The following PCDH15 variants were observed in gnomAD, a reference collection of about 807,000 sequenced individuals.
PCDH15 encodes protocadherin related 15, also known as protocadherin-15.
A neutral mutation model predicts 178.5 loss-of-function variants in PCDH15; 129 were observed. That is an observed-to-expected ratio of 0.72 (90% CI 0.63 to 0.84). The LOEUF (loss-of-function observed/expected upper bound fraction) is 0.84. Ranked by LOEUF, PCDH15 falls within the 40% of genes least tolerant of loss-of-function variation. The probability of loss-of-function intolerance (pLI) is 0.00; values close to 1 mark genes in which losing one functional copy is unlikely to be tolerated. For synonymous variants in PCDH15, 800 were observed against 732.0 expected, an observed-to-expected ratio of 1.09 and a Z score of -1.50; for missense variants, 2,230 against 2,099.9, an observed-to-expected ratio of 1.06 and a Z score of -1.21.
intron 2 of PCDH15, among the ~76,000 whole-genome samples, chr10:55,102,414 T>C (rs1456275430): frequency 6.6e-6 from 1 of 152,146 alleles, no homozygotes; most frequent in Non-Finnish European, 1.5e-5. Context: ...TACTGAGCCC[T>C]ATATATACTC....
chr10:54,525,827 T>C (rs1269598575), intron 3 of PCDH15, among the ~76,000 whole-genome samples: 1 of 152,218 alleles, frequency 6.6e-6, no homozygotes, highest in Non-Finnish European at 1.5e-5. Context: ...GCATGGATTG[T>C]TTCCCTTAGA....
chr10:54,314,758 C>G (rs11004218), intron 8 of PCDH15, among the ~76,000 whole-genome samples: 68,397 of 151,702 alleles, frequency 0.45, 16,129 homozygotes, highest in Middle Eastern at 0.6. Flanking sequence ...TCATCATTTA[C>G]CTCCCACTTA....
chr10:54,822,174 C>T (rs1434313252), intron 3 of PCDH15, among the ~76,000 whole-genome samples: 1 of 152,126 alleles, frequency 6.6e-6, no homozygotes, highest in Non-Finnish European at 1.5e-5. Flanking sequence ...CATCTCAAAT[C>T]TTCTCTGCTA....
At chr10:55,298,056 GC>G (rs1843178401) in intron 1 of PCDH15, among the ~76,000 whole-genome samples, 1 of 152,056 alleles carries the variant, frequency 6.6e-6, no homozygotes, top group Non-Finnish European at 1.5e-5. Flanking sequence ...TAGTCAACAA[GC>G]CCTGCTCAGC....
intron 20 of PCDH15, among the ~76,000 whole-genome samples, chr10:54,011,428 TC>T (rs1364475619): frequency 1.3e-5 from 2 of 152,070 alleles, no homozygotes; most frequent in East Asian, 1.9e-4. Flanking sequence ...ACAGCCAAGG[TC>T]CCTTCCCTTG....
intron 1 of PCDH15, among the ~76,000 whole-genome samples, chr10:55,227,399 A>G (rs1841080009): frequency 6.8e-6 from 1 of 146,794 alleles, no homozygotes; most frequent in Non-Finnish European, 1.5e-5. Flanking sequence ...TCAATTAAGA[A>G]CAAGACATGG....
Position 53,805,329 on chromosome 10 carries a change from T to C in PCDH15, c.*1250A>G, listed in dbSNP as rs1841083659. On this transcript the variant is annotated 3_prime_UTR_variant, in exon 38 of 38. Coordinates refer to ENST00000644397, the MANE Select transcript of PCDH15 (RefSeq NM_001384140.1). The stretch of plus-strand genomic sequence containing the variant: ...TAGAATTCTGAATTCTCTTAATCTA[T>C]ATTGTTTCATTCTTTTTACATCATC... The C allele has an allele frequency of 6.6e-6, 1 of 152,058 alleles. No individual in the cohort carries two copies. The highest frequency in any genetic ancestry group is 6.6e-5 in the Admixed American group (1 of 15,226). 9.4% of individuals were successfully genotyped at this position (152,058 alleles called of 1,614,324 possible).
At chr10:54,451,505 A>G (rs1162483053) in intron 3 of PCDH15, among the ~76,000 whole-genome samples, 2 of 151,946 alleles carry the variant, frequency 1.3e-5, no homozygotes, top group African/African-American at 4.8e-5. Flanking sequence ...TAAACTAAAA[A>G]TTATTTTGTC....
chr10:55,185,750 G>A (rs550426611), intron 1 of PCDH15, among the ~76,000 whole-genome samples: 11 of 151,674 alleles, frequency 7.3e-5, no homozygotes, highest in Non-Finnish European at 1.3e-4. Context: ...CTCGAAGGTT[G>A]ACAAAACATT....
intron 2 of PCDH15, among the ~76,000 whole-genome samples, chr10:55,429,869 TTC>T (rs1334285523): frequency 6.6e-6 from 1 of 152,192 alleles, no homozygotes; most frequent in Admixed American, 6.5e-5. Context: ...AGTGTAAGTT[TTC>T]TGTTTACATT....
At chr10:54,403,602 G>T (rs1589232793) in intron 3 of PCDH15, among the ~76,000 whole-genome samples, 1 of 151,920 alleles carries the variant, frequency 6.6e-6, no homozygotes, top group Admixed American at 6.6e-5. Flanking sequence ...GAGCACTCAG[G>T]CAAGGGAAAG....
At chr10:54,422,012 C>A (rs1437277536) in intron 3 of PCDH15, among the ~76,000 whole-genome samples, 2 of 147,292 alleles carry the variant, frequency 1.4e-5, no homozygotes, top group Admixed American at 1.4e-4. Context: ...TTTAACTTTG[C>A]AGACAAAGTT....
intron 2 of PCDH15, among the ~76,000 whole-genome samples, chr10:55,398,046 A>G (rs569272399): frequency 6.6e-6 from 1 of 152,210 alleles, no homozygotes; most frequent in East Asian, 1.9e-4. Flanking sequence ...TTGTTTGTTG[A>G]CATGTGATGT....
At chr10:54,258,895 G>C (rs374814650) in intron 8 of PCDH15, among the ~76,000 whole-genome samples, 1 of 151,928 alleles carries the variant, frequency 6.6e-6, no homozygotes, top group African/African-American at 2.4e-5. Flanking sequence ...TTTGTTTTTC[G>C]TTTTGCATTT....
At chr10:55,091,970 T>C (rs1016202630) in intron 2 of PCDH15, among the ~76,000 whole-genome samples, 3 of 151,912 alleles carry the variant, frequency 2.0e-5, no homozygotes, top group African/African-American at 7.2e-5. Context: ...GTTTGCTATG[T>C]TATAATTTGA....
intron 1 of PCDH15, among the ~76,000 whole-genome samples, chr10:54,760,419 C>G (rs1344514138): frequency 6.6e-6 from 1 of 152,042 alleles, no homozygotes; most frequent in Admixed American, 6.6e-5. Flanking sequence ...ACATCTCCTC[C>G]CACACACACC....
chr10:55,365,922 T>C (rs1287265980), intron 2 of PCDH15, among the ~76,000 whole-genome samples: 2 of 152,092 alleles, frequency 1.3e-5, no homozygotes, highest in African/African-American at 2.4e-5. Context: ...GTAGTTCCCT[T>C]TCCACTCCTT....
intron 8 of PCDH15, among the ~76,000 whole-genome samples, chr10:54,280,601 A>G (rs2058635320): frequency 6.6e-6 from 1 of 151,816 alleles, no homozygotes; most frequent in East Asian, 1.9e-4. Flanking sequence ...ATCAGTGCCT[A>G]TATATTACCT....
At chr10:54,498,843 A>T (rs1190445541) in intron 3 of PCDH15, among the ~76,000 whole-genome samples, 2 of 152,174 alleles carry the variant, frequency 1.3e-5, no homozygotes, top group African/African-American at 4.8e-5. Context: ...CACAGGCTAT[A>T]CAGGAAGCAC....
Sources: gnomAD v4.1 joint callset for allele counts (sites outside exome capture counted in the v4.1 genomes callset) on GRCh38, gnomAD v4.1.1 for gene constraint, MANE v1.5 for transcripts, NCBI Gene and HGNC (gene_info 2026-07-23, HGNC 2026-07-21) for gene names.